MINDY2: variants seen among roughly 807,000 people sequenced by gnomAD.
MINDY2 encodes MINDY lysine 48 deubiquitinase 2.
A neutral mutation model predicts 68.2 loss-of-function variants in MINDY2; 52 were observed. That is an observed-to-expected ratio of 0.76 (90% CI 0.61 to 0.96). The LOEUF (loss-of-function observed/expected upper bound fraction) is 0.96, where lower values mean the gene tolerates loss of function less well. Ranked by LOEUF, MINDY2 falls within the 40% of genes least tolerant of loss-of-function variation. The pLI, the probability that MINDY2 is intolerant of heterozygous loss-of-function variation, is 0.00. For missense variants in MINDY2, 881 were observed against 773.4 expected, an observed-to-expected ratio of 1.14 and a Z score of -1.65; for synonymous variants, 372 against 303.0, an observed-to-expected ratio of 1.23 and a Z score of -2.36.
intron 1 of MINDY2, 113 bp from the exon 2 acceptor site, chr15:58,787,793 G>A (rs1403570363): frequency 2.5e-6 from 1 of 402,078 alleles, no homozygotes; most frequent in African/African-American, 2.2e-5. Flanking sequence ...GAATGTTAAT[G>A]TATAAGTATA....
intron 2 of MINDY2, among the ~76,000 whole-genome samples, chr15:58,795,525 C>T (rs1382809419): frequency 3.3e-5 from 5 of 152,128 alleles, no homozygotes; most frequent in African/African-American, 4.8e-5. Flanking sequence ...CTGCCTCAGC[C>T]TCCTGAGTAG....
At position 58,810,274 on chromosome 15, in the gene MINDY2, C is replaced by G. The variant is rs1302240997; in HGVS notation, c.1008C>G (p.Gly336=). 3.1e-6 allele frequency: 5 copies of G among 1,613,462 alleles called. No individual in the cohort carries two copies. The highest frequency in any genetic ancestry group is 3.4e-6 in the Non-Finnish European group (4 of 1,179,794). Residue 336 remains glycine, a synonymous_variant, in exon 4 of 9, where the codon GGC becomes GGG. Transcript: ENST00000559228. ...AMAILHKLQT[G]LDVNVRFTGV... ...CAATTTTGCACAAACTACAGACAGG[C>G]CTGGATGTAAATGTAAGATTCACTG...
At chr15:58,782,874 A>G (rs752553541) in intron 1 of MINDY2, among the ~76,000 whole-genome samples, 7 of 146,844 alleles carry the variant, frequency 4.8e-5, no homozygotes, top group African/African-American at 1.0e-4. Flanking sequence ...TTGAATGACA[A>G]TTAGTAGATG....
intron 6 of MINDY2, among the ~76,000 whole-genome samples, chr15:58,832,641 C>T (rs1420807365): frequency 6.6e-6 from 1 of 151,910 alleles, no homozygotes; most frequent in Non-Finnish European, 1.5e-5. Flanking sequence ...AATTCTACTG[C>T]CTCAGCCTCC....
Position 58,847,369 on chromosome 15 carries a change from A to C in MINDY2, c.1441A>C (p.Asn481His). The C allele has an allele frequency of 6.2e-7, 1 of 1,608,648 alleles. No individual in the cohort carries two copies. The highest frequency in any genetic ancestry group is 8.5e-7 in the Non-Finnish European group (1 of 1,175,892). The change falls in exon 7 of 9, where the codon AAC becomes CAC. Residue 481 changes from asparagine to histidine, a missense_variant. Coordinates refer to ENST00000559228, the MANE Select transcript of MINDY2 (RefSeq NM_001040450.3). ...EEKVVWESLH[N>H]VDGDGNFCDS... Reference sequence around the variant, plus strand: ...GAAAGTTGTTTGGGAAAGCCTACACAACGTAGATGGTGATGGAAATTTCTG... The same window carrying C: ...GAAAGTTGTTTGGGAAAGCCTACACCACGTAGATGGTGATGGAAATTTCTG...
chr15:58,852,531 A>G (rs1006728293), intron 8 of MINDY2, among the ~76,000 whole-genome samples: 20 of 152,308 alleles, frequency 1.3e-4, no homozygotes, highest in African/African-American at 2.4e-4. Flanking sequence ...AGTCCTTTCA[A>G]TCAACTAGAG....
At chr15:58,810,511 A>C (rs2030162170) in intron 4 of MINDY2, 123 bp downstream of exon 4, 1 of 920,970 alleles carries the variant, frequency 1.1e-6, no homozygotes, top group South Asian at 1.9e-5. Flanking sequence ...GGAATTAGCC[A>C]AACTATGAGG....
In MINDY2 at chr15:58,798,642, G is replaced by T. The variant is rs565197982; in HGVS notation, c.899-3671G>T. Among the ~76,000 whole-genome samples, 7 of 152,092 alleles carry T rather than the reference G, an allele frequency of 4.6e-5. No homozygotes were observed. In the East Asian group the frequency reaches 1.4e-3, roughly 29 times the overall value. On this transcript the variant is annotated intron_variant, in intron 2 of 8. Coordinates refer to ENST00000559228, the MANE Select transcript of MINDY2 (RefSeq NM_001040450.3). Reference sequence around the variant, plus strand: ...AGCTAATTTTTGTATTTTTAGTAGAGATGGGGTTTCATCATCTTGGCCAGG... The same window carrying T: ...AGCTAATTTTTGTATTTTTAGTAGATATGGGGTTTCATCATCTTGGCCAGG...
At chr15:58,801,427 T>C (rs1837040186) in intron 2 of MINDY2, among the ~76,000 whole-genome samples, 1 of 47,546 alleles carries the variant, frequency 2.1e-5, no homozygotes, top group South Asian at 7.8e-4. Context: ...ATTATATAGG[T>C]AGAAAATTCA....
At chr15:58,782,749 C>A (rs143488084) in intron 1 of MINDY2, among the ~76,000 whole-genome samples, 1 of 150,502 alleles carries the variant, frequency 6.6e-6, no homozygotes, top group African/African-American at 2.4e-5. Flanking sequence ...CACTTCTCAT[C>A]ACAGTACTTC....
At position 58,781,760 on chromosome 15, in the gene MINDY2, G is replaced by A. The variant is rs536768590; in HGVS notation, c.841-6146G>A. On this transcript the variant is annotated intron_variant, in intron 1 of 8. Coordinates refer to ENST00000559228, the MANE Select transcript of MINDY2 (RefSeq NM_001040450.3). ...TCTACTAAAAATGCAAAAATTAGCCGTGTGTGGTGGCGGGCGCCTGTAATC... is the reference window on the plus strand; with the variant it reads ...TCTACTAAAAATGCAAAAATTAGCCATGTGTGGTGGCGGGCGCCTGTAATC... 2.0e-5 allele frequency among the ~76,000 whole-genome samples: 3 copies of A among 152,176 alleles called. No homozygotes were observed. In the South Asian group the frequency reaches 6.2e-4, roughly 32 times the overall value.
chr15:58,814,646 C>T (rs544164512), intron 4 of MINDY2, among the ~76,000 whole-genome samples: 4 of 152,056 alleles, frequency 2.6e-5, no homozygotes, highest in East Asian at 1.9e-4. Flanking sequence ...TGTGAGACTA[C>T]GGCTGTGAGC....
At chr15:58,851,293 AT>A (rs2140869040) in intron 7 of MINDY2, among the ~76,000 whole-genome samples, 1 of 152,224 alleles carries the variant, frequency 6.6e-6, no homozygotes, top group East Asian at 1.9e-4. Context: ...ATTTAGAACA[AT>A]GACAGAATCA....
intron 1 of MINDY2, among the ~76,000 whole-genome samples, chr15:58,774,507 A>AG (rs1156484845): frequency 6.6e-6 from 1 of 151,760 alleles, no homozygotes; most frequent in African/African-American, 2.4e-5. Context: ...AAAAAAAAAA[A>AG]AAAGGAAATG....
chr15:58,773,433 C>T (rs184440265), intron 1 of MINDY2, among the ~76,000 whole-genome samples: 168 of 152,328 alleles, frequency 1.1e-3, no homozygotes, highest in African/African-American at 3.5e-3. Context: ...TTGCCATTGT[C>T]TGGTGCATAA....
intron 3 of MINDY2, among the ~76,000 whole-genome samples, chr15:58,807,770 C>T (rs2029910795): frequency 6.6e-6 from 1 of 152,184 alleles, no homozygotes; most frequent in Admixed American, 6.5e-5. Flanking sequence ...CCAGCCTCTG[C>T]CTGTCTCTTA....
intron 6 of MINDY2, among the ~76,000 whole-genome samples, chr15:58,835,008 A>G (rs1295215090): frequency 6.6e-6 from 1 of 152,186 alleles, no homozygotes; most frequent in African/African-American, 2.4e-5. Context: ...ATACTGCTAA[A>G]TCATTTTATT....
intron 3 of MINDY2, among the ~76,000 whole-genome samples, chr15:58,804,890 G>T (rs1175538447): frequency 1.3e-5 from 2 of 152,102 alleles, no homozygotes; most frequent in African/African-American, 2.4e-5. Context: ...GTACTCAGGA[G>T]ACTGAGGCAG....
At chr15:58,807,669 A>C (rs768997850) in intron 3 of MINDY2, among the ~76,000 whole-genome samples, 6 of 152,072 alleles carry the variant, frequency 3.9e-5, no homozygotes, top group Non-Finnish European at 8.8e-5. Flanking sequence ...GGCCTAAAAT[A>C]GTCTTTATTC....
Sources: allele counts gnomAD v4.1 joint callset (sites outside exome capture counted in the v4.1 genomes callset), GRCh38; gene constraint gnomAD v4.1.1; transcripts MANE v1.5; gene names NCBI Gene and HGNC (gene_info 2026-07-23, HGNC 2026-07-21).